Variants in MPPED1 observed in about 807,000 individuals in gnomAD.
The protein encoded by MPPED1 is metallophosphoesterase domain-containing protein 1.
In MPPED1, 16 loss-of-function variants were observed where a neutral mutation model predicts 36.2. That is an observed-to-expected ratio of 0.44 (90% CI 0.30 to 0.67). The LOEUF is 0.67. Ranked by LOEUF, MPPED1 falls within the 30% of genes least tolerant of loss-of-function variation. The pLI, the probability that MPPED1 is intolerant of heterozygous loss-of-function variation, is 0.10. For synonymous variants in MPPED1, 199 were observed against 191.3 expected, an observed-to-expected ratio of 1.04 and a Z score of -0.33; for missense variants, 307 against 453.4, an observed-to-expected ratio of 0.68 and a Z score of 2.93.
At position 43,425,181 on chromosome 22, in the gene MPPED1, G is replaced by T. The variant is rs1371906518; in HGVS notation, c.196G>T (p.Gly66Cys). Residue 66 changes from glycine (G) to cysteine (C), a missense_variant, in exon 2 of 7, where the codon GGC becomes TGC. Coordinates refer to ENST00000443721, the MANE Select transcript of MPPED1 (RefSeq NM_001044370.2). ...QAFTFYNINQ[G>C]RFQPPHVQMV... ...CTTCACCTTCTACAACATCAACCAG[G>T]GCCGCTTCCAGCCACCGCATGTGCA... 6.2e-7 allele frequency: 1 copy of T among 1,607,912 alleles called. No homozygotes were observed. The highest frequency in any genetic ancestry group is 2.2e-5 in the East Asian group (1 of 44,672).
At chr22:43,450,025 G>A (rs976254132) in intron 3 of MPPED1, among the ~76,000 whole-genome samples, 1 of 152,194 alleles carries the variant, frequency 6.6e-6, no homozygotes. Context: ...AGGGACACCA[G>A]CAGGTACCAT....
intron 4 of MPPED1, among the ~76,000 whole-genome samples, chr22:43,495,110 G>T (rs547055729): frequency 9.4e-4 from 143 of 152,178 alleles, no homozygotes; most frequent in Non-Finnish European, 1.5e-3. Context: ...TGAGGTAGTG[G>T]TGGTGATGGA....
At chr22:43,457,941 T>A (rs1284764693) in intron 3 of MPPED1, among the ~76,000 whole-genome samples, 3 of 152,244 alleles carry the variant, frequency 2.0e-5, no homozygotes, top group South Asian at 2.1e-4. Context: ...ACTACAGTGG[T>A]CCCATAAGAT....
At chr22:43,462,282 C>T (rs1930981235) in intron 3 of MPPED1, among the ~76,000 whole-genome samples, 1 of 152,202 alleles carries the variant, frequency 6.6e-6, no homozygotes, top group South Asian at 2.1e-4. Context: ...TATTTGCATT[C>T]AGGCAATGAA....
At chr22:43,455,018 A>G (rs1271219345) in intron 3 of MPPED1, among the ~76,000 whole-genome samples, 1 of 151,742 alleles carries the variant, frequency 6.6e-6, no homozygotes, top group Non-Finnish European at 1.5e-5. Flanking sequence ...AGATATTAGC[A>G]GATTGGTTTC....
chr22:43,442,166 T>C (rs1930170471), intron 3 of MPPED1, among the ~76,000 whole-genome samples: 1 of 151,964 alleles, frequency 6.6e-6, no homozygotes, highest in Non-Finnish European at 1.5e-5. Flanking sequence ...TCTCTTCTAC[T>C]TGGGGGTGCG....
At chr22:43,454,590 C>T (rs752155108) in intron 3 of MPPED1, among the ~76,000 whole-genome samples, 18 of 151,744 alleles carry the variant, frequency 1.2e-4, no homozygotes, top group Admixed American at 2.6e-4. Context: ...AAAGGAACAC[C>T]GGTACTATTA....
intron 1 of MPPED1, among the ~76,000 whole-genome samples, chr22:43,413,968 C>T (rs1294185877): frequency 2.0e-5 from 3 of 152,184 alleles, no homozygotes; most frequent in African/African-American, 7.2e-5. Context: ...CAGAGAGTCA[C>T]CTACATGGCC....
intron 3 of MPPED1, among the ~76,000 whole-genome samples, chr22:43,453,508 C>T (rs762817074): frequency 6.6e-5 from 10 of 152,068 alleles, no homozygotes; most frequent in African/African-American, 2.2e-4. Context: ...TCCAGTCCTG[C>T]GGCTTCGTTG....
chr22:43,474,791 T>C lies in MPPED1; in HGVS notation c.462T>C (p.Phe154=). Reference sequence around the variant, plus strand: ...TCGCAGGCAACCACGAGCTGACCTTTGACCAGGAGTTCATGGCCGACCTCA... The same window carrying C: ...TCGCAGGCAACCACGAGCTGACCTTCGACCAGGAGTTCATGGCCGACCTCA... ...IVIAGNHELT[F]DQEFMADLIK... The change falls in exon 4 of 7, where the codon TTT becomes TTC. Residue 154 remains phenylalanine, a synonymous_variant. Coordinates refer to ENST00000443721, the MANE Select transcript of MPPED1 (RefSeq NM_001044370.2). The surrounding 1 kb of genome is among the most constrained non-coding windows in gnomAD (Gnocchi z 5.2). 1 of 1,614,088 alleles carries C rather than the reference T, an allele frequency of 6.2e-7. No individual in the cohort carries two copies.
At chr22:43,470,473 T>C (rs1027326859) in intron 3 of MPPED1, among the ~76,000 whole-genome samples, 7 of 152,212 alleles carry the variant, frequency 4.6e-5, no homozygotes, top group Non-Finnish European at 8.8e-5. Context: ...CATCCATCCA[T>C]GTGTGCATCT....
At chr22:43,494,121 C>A (rs1932183598) in intron 4 of MPPED1, among the ~76,000 whole-genome samples, 2 of 152,108 alleles carry the variant, frequency 1.3e-5, no homozygotes, top group Non-Finnish European at 2.9e-5. Context: ...GCAGCCTTGA[C>A]CTCCTGGGCT....
chr22:43,497,026 A>AGGTAGTGGTGGTGGAG (rs1932428156), intron 4 of MPPED1, among the ~76,000 whole-genome samples: 1 of 20,186 alleles, frequency 5.0e-5, no homozygotes, highest in Non-Finnish European at 1.0e-4. Flanking sequence ...TGGTGGTGGA[A>AGGTAGTGGTGGTGGAG]GTGGTGGTGG....
At chr22:43,437,508 A>G (rs958456119) in intron 3 of MPPED1, among the ~76,000 whole-genome samples, 17 of 152,176 alleles carry the variant, frequency 1.1e-4, no homozygotes, top group Non-Finnish European at 1.8e-4. Context: ...AACTCTTGGT[A>G]TAGCTCTGTG....
chr22:43,418,579 C>T (rs896572602), intron 1 of MPPED1: 1 of 173,308 alleles, frequency 5.8e-6, no homozygotes, highest in African/African-American at 2.4e-5. Flanking sequence ...AGACCCCCTC[C>T]ACTGCAACTC....
chr22:43,464,849 G>A (rs1384909245), intron 3 of MPPED1, among the ~76,000 whole-genome samples: 1 of 152,152 alleles, frequency 6.6e-6, no homozygotes, highest in African/African-American at 2.4e-5. Context: ...CCAAACCTCT[G>A]TCCTTGGCAG....
chr22:43,417,835 A>G (rs1929128236), intron 1 of MPPED1: 1 of 338,788 alleles, frequency 3.0e-6, no homozygotes, highest in Admixed American at 3.9e-5. Flanking sequence ...GGCTGGGGCT[A>G]TTCAGTCGCT....
At chr22:43,444,727 TAAAAA>T (rs141120901) in intron 3 of MPPED1, among the ~76,000 whole-genome samples, 3 of 150,084 alleles carry the variant, frequency 2.0e-5, no homozygotes, top group Non-Finnish European at 4.5e-5. Context: ...ATTAAAAACT[TAAAAA>T]AAAAATCTAA....
chr22:43,425,563 C>T (rs1383271219), intron 2 of MPPED1, among the ~76,000 whole-genome samples: 8 of 151,998 alleles, frequency 5.3e-5, no homozygotes, highest in South Asian at 2.1e-4. Flanking sequence ...CTCCTGGCAG[C>T]GTCTGGCGGG....
Sources: gnomAD v4.1 joint callset for allele counts (sites outside exome capture counted in the v4.1 genomes callset) on GRCh38, gnomAD v4.1.1 for gene constraint, Gnocchi (gnomAD v3.1) non-coding constraint, MANE v1.5 for transcripts, NCBI Gene and HGNC (gene_info 2026-07-23, HGNC 2026-07-21) for gene names.